The following CSNK1G2 variants were observed in gnomAD, a reference collection of about 807,000 sequenced individuals.
The protein encoded by CSNK1G2 is casein kinase I isoform gamma-2.
Under a neutral mutation model 48.0 loss-of-function variants are expected in CSNK1G2, and 11 were observed. The observed-to-expected ratio is 0.23, with a 90% CI of 0.14 to 0.38. The LOEUF (loss-of-function observed/expected upper bound fraction) is 0.38. CSNK1G2 is among the 10% of genes least tolerant of loss of function. The pLI, the probability that CSNK1G2 is intolerant of heterozygous loss-of-function variation, is 1.00. For missense variants in CSNK1G2, 446 were observed against 595.5 expected (o/e 0.75, Z 2.61); for synonymous variants, 337 against 254.1 (o/e 1.33, Z -3.10).
At position 1,978,832 on chromosome 19, in the gene CSNK1G2, G is replaced by C. The variant is rs761012619; in HGVS notation, c.448-27G>C. 3.8e-6 allele frequency: 6 copies of C among 1,593,208 alleles called. No individual in the cohort carries two copies. Among genetic ancestry groups the C allele is most frequent in the African/African-American group, 1.3e-5 (1 of 74,460 alleles). Reference sequence around the variant, plus strand: ...GAGCGCGTGGGACGGGGAGGGGCCCGGCCGACACCGCCGTGCCCCCCTGCA... The same window carrying C: ...GAGCGCGTGGGACGGGGAGGGGCCCCGCCGACACCGCCGTGCCCCCCTGCA... On this transcript the variant is annotated intron_variant, in intron 5 of 11. Coordinates refer to ENST00000255641, the MANE Select transcript of CSNK1G2 (RefSeq NM_001319.7). The surrounding 1 kb of genome is among the most constrained non-coding windows in gnomAD (Gnocchi z 7.3).
intron 1 of CSNK1G2, among the ~76,000 whole-genome samples, chr19:1,958,192 C>CT (rs146248189): frequency 0.021 from 3,243 of 151,996 alleles, 130 homozygotes; most frequent in African/African-American, 0.075. Context: ...GGGACTCCCA[C>CT]TGCCCCCACC....
At chr19:1,949,815 TC>T (rs1258272180) in intron 1 of CSNK1G2, among the ~76,000 whole-genome samples, 1 of 152,230 alleles carries the variant, frequency 6.6e-6, no homozygotes, top group Non-Finnish European at 1.5e-5. Flanking sequence ...CCGATGCTTC[TC>T]TGGCCTGCAG....
intron 1 of CSNK1G2, among the ~76,000 whole-genome samples, chr19:1,958,724 G>A (rs1255135701): frequency 6.8e-4 from 19 of 27,786 alleles, no homozygotes; most frequent in African/African-American, 3.4e-3. Flanking sequence ...CCCTCCCCTC[G>A]TCCCCCCATC....
At chr19:1,975,650 A>T (rs1025229030) in intron 2 of CSNK1G2, 1 of 985,234 alleles carries the variant, frequency 1.0e-6, no homozygotes, top group Non-Finnish European at 1.2e-6. Context: ...CAGGAAGGAC[A>T]CGCAAATGCT....
chr19:1,942,894 CTGAT>C, intron 1 of CSNK1G2, among the ~76,000 whole-genome samples: 1 of 152,276 alleles, frequency 6.6e-6, no homozygotes, highest in African/African-American at 2.4e-5. Context: ...GCTGGGCTGA[CTGAT>C]GAGTTTCCCA....
intron 1 of CSNK1G2, among the ~76,000 whole-genome samples, chr19:1,963,648 C>T (rs553547277): frequency 8.6e-5 from 13 of 151,786 alleles, no homozygotes; most frequent in African/African-American, 2.9e-4. Context: ...GCTGGAGTTA[C>T]AGGTGCACGC....
Position 1,969,868 on chromosome 19 carries a change from C to T in CSNK1G2, c.96C>T (p.Ser32=). 2.3e-6 allele frequency: 3 copies of T among 1,312,044 alleles called. No individual in the cohort carries two copies. In the Admixed American group the frequency reaches 9.2e-5, roughly 40 times the overall value. 81.3% of individuals were successfully genotyped at this position (1,312,044 alleles called of 1,614,324 possible). ...GGGRSSHGIR[S]SGTSSGVLMV... is the part of the protein sequence containing the mutation. ...GCCGGAGCAGCCACGGCATCCGGAG[C>T]TCGGGGACCAGCTCGGGGGTCCTGA... Residue 32 remains serine, a synonymous_variant, in exon 2 of 12, where the codon AGC becomes AGT. Coordinates refer to ENST00000255641, the MANE Select transcript of CSNK1G2 (RefSeq NM_001319.7).
rs2015304936 is a variant in CSNK1G2, at chr19:1,964,581, A to G, written c.-265-4927A>G. On this transcript the variant is annotated intron_variant, in intron 1 of 11. Transcript: ENST00000255641. The stretch of plus-strand genomic sequence containing the variant: ...GGCTTTTTACCATTCCACAAATCCT[A>G]GGGCCCACGAGAATTATGCTAAATC... Among the ~76,000 whole-genome samples, 3 of 152,134 alleles carry G rather than the reference A, an allele frequency of 2.0e-5. No individual in the cohort carries two copies. The South Asian group carries it at 6.2e-4, about 31-fold the overall frequency.
At chr19:1,960,804 A>C (rs112341321) in intron 1 of CSNK1G2, among the ~76,000 whole-genome samples, 1 of 151,904 alleles carries the variant, frequency 6.6e-6, no homozygotes, top group South Asian at 2.1e-4. Context: ...TAGGACAATC[A>C]CTTGAACCCG....
intron 1 of CSNK1G2, among the ~76,000 whole-genome samples, chr19:1,965,836 T>A (rs4807180): frequency 2.0e-4 from 30 of 151,762 alleles, no homozygotes; most frequent in Admixed American, 5.9e-4. Context: ...TCACTGTGTC[T>A]CCCAGGCTGC....
At chr19:1,968,616 G>A (rs917165240) in intron 1 of CSNK1G2, among the ~76,000 whole-genome samples, 2 of 152,220 alleles carry the variant, frequency 1.3e-5, no homozygotes, top group Non-Finnish European at 2.9e-5. Flanking sequence ...ACTCAGCGAG[G>A]GGCTGTGGGC....
At chr19:1,951,638 C>T (rs916234917) in intron 1 of CSNK1G2, among the ~76,000 whole-genome samples, 3 of 142,880 alleles carry the variant, frequency 2.1e-5, no homozygotes, top group African/African-American at 8.1e-5. Flanking sequence ...GCAGGCTGGG[C>T]GGGAGGAAGC....
intron 1 of CSNK1G2, among the ~76,000 whole-genome samples, chr19:1,946,062 G>A (rs899349961): frequency 1.1e-4 from 17 of 152,072 alleles, no homozygotes; most frequent in Non-Finnish European, 1.8e-4. Flanking sequence ...GAGGCCACGC[G>A]TATGTTCCCG....
chr19:1,955,962 G>C (rs1371647432), intron 1 of CSNK1G2, among the ~76,000 whole-genome samples: 4 of 152,088 alleles, frequency 2.6e-5, no homozygotes, highest in Admixed American at 1.3e-4. Context: ...ACAGACGCCA[G>C]CGGGGCAGCC....
chr19:1,972,844 G>C (rs1354627311), intron 2 of CSNK1G2, among the ~76,000 whole-genome samples: 2 of 151,612 alleles, frequency 1.3e-5, no homozygotes, highest in African/African-American at 4.8e-5. Flanking sequence ...GGCTGGTCTT[G>C]AACTCCTGAC....
intron 1 of CSNK1G2, among the ~76,000 whole-genome samples, chr19:1,949,591 G>A (rs1398999270): frequency 6.6e-6 from 1 of 152,214 alleles, no homozygotes; most frequent in East Asian, 1.9e-4. Flanking sequence ...CCCGTGTCCG[G>A]TTCCCGTGTG....
At chr19:1,970,105 A>G (rs2015515050) in intron 2 of CSNK1G2, 146 bp downstream of exon 2, 1 of 551,278 alleles carries the variant, frequency 1.8e-6, no homozygotes, top group Non-Finnish European at 2.7e-6. Context: ...TTGAATCATC[A>G]GTCCGTCGTG....
rs1170850545 is a variant in CSNK1G2 at position 1,979,360 on chromosome 19, C to G, written c.810C>G (p.Thr270=). Residue 270 remains threonine, a synonymous_variant, in exon 8 of 12, where the codon ACC becomes ACG. Transcript: ENST00000255641. ...LKERYQKIGD[T]KRATPIEVLC... is the part of the protein sequence containing the mutation. Reference sequence around the variant, plus strand: ...AGCGGTACCAGAAGATCGGGGACACCAAACGCGCCACGCCCATCGAGGTGC... The same window carrying G: ...AGCGGTACCAGAAGATCGGGGACACGAAACGCGCCACGCCCATCGAGGTGC... 1 of 1,605,478 alleles carries G rather than the reference C, an allele frequency of 6.2e-7. No individual in the cohort carries two copies. The highest frequency in any genetic ancestry group is 8.5e-7 in the Non-Finnish European group (1 of 1,177,176).
At chr19:1,958,778 CCCCT>C (rs1450909426) in intron 1 of CSNK1G2, among the ~76,000 whole-genome samples, 5 of 75,648 alleles carry the variant, frequency 6.6e-5, no homozygotes, top group African/African-American at 1.1e-4. Context: ...GTCCCCCGTC[CCCCT>C]GTCCCCCCAT....
Sources: gnomAD v4.1 joint callset for allele counts (sites outside exome capture counted in the v4.1 genomes callset) on GRCh38, gnomAD v4.1.1 for gene constraint, Gnocchi (gnomAD v3.1) non-coding constraint, MANE v1.5 for transcripts, NCBI Gene and HGNC (gene_info 2026-07-23, HGNC 2026-07-21) for gene names.